DNAH8: variants seen among roughly 807,000 people sequenced by gnomAD.
DNAH8 encodes the protein dynein axonemal heavy chain 8.
In DNAH8, 382 loss-of-function variants were observed where a neutral mutation model predicts 562.1. The ratio of observed to expected loss-of-function variants is 0.68; its 90% CI spans 0.63 to 0.74. DNAH8 has a LOEUF of 0.74. DNAH8 is among the 30% of genes least tolerant of loss of function. The pLI is 0.00. For synonymous variants in DNAH8, 1,881 were observed against 1,919.4 expected (o/e 0.98, Z 0.52); for missense variants, 5,203 against 5,620.4 (o/e 0.93, Z 2.37).
intron 36 of DNAH8, 131 bp from the exon 37 acceptor site, chr6:38,848,517 A>G (rs1303787727): frequency 5.9e-6 from 4 of 676,814 alleles, no homozygotes; most frequent in African/African-American, 3.6e-5. Context: ...TATGATATCT[A>G]TTAGGAACTG....
At chr6:38,849,213 T>TA (rs1331644235) in intron 37 of DNAH8, among the ~76,000 whole-genome samples, 1 of 152,186 alleles carries the variant, frequency 6.6e-6, no homozygotes, top group African/African-American at 2.4e-5. Flanking sequence ...TGCAGTACTA[T>TA]TATAGTAGTT....
intron 16 of DNAH8, among the ~76,000 whole-genome samples, chr6:38,781,750 A>C (rs1284022803): frequency 6.6e-6 from 1 of 152,196 alleles, no homozygotes; most frequent in Non-Finnish European, 1.5e-5. Context: ...TACTCAGTGA[A>C]GGTGAAGATA....
At chr6:38,787,005 A>G in intron 18 of DNAH8, 53 bp downstream of exon 18, 1 of 1,182,424 alleles carries the variant, frequency 8.5e-7, no homozygotes, top group Non-Finnish European at 1.2e-6. Flanking sequence ...TTGGTAAAAA[A>G]AATATGTATA....
intron 1 of DNAH8, among the ~76,000 whole-genome samples, chr6:38,719,676 A>G (rs577705710): frequency 1.3e-4 from 20 of 152,314 alleles, no homozygotes; most frequent in Admixed American, 1.2e-3. Flanking sequence ...GAGGGGGTGT[A>G]GCTAATGCAG....
intron 45 of DNAH8, among the ~76,000 whole-genome samples, 160 bp from the exon 46 acceptor site, chr6:38,866,430 TA>T (rs1297642164): frequency 6.6e-6 from 1 of 152,214 alleles, no homozygotes; most frequent in Non-Finnish European, 1.5e-5. Flanking sequence ...AATATTAATA[TA>T]CATGGTCTAA....
chr6:39,024,366 A>G (rs1275580218), intron 91 of DNAH8, among the ~76,000 whole-genome samples: 1 of 152,248 alleles, frequency 6.6e-6, no homozygotes, highest in Admixed American at 6.5e-5. Flanking sequence ...CTACTAGGAT[A>G]TACAGTGTCT....
intron 88 of DNAH8, among the ~76,000 whole-genome samples, chr6:38,994,575 T>G (rs1765008719): frequency 6.6e-6 from 1 of 151,996 alleles, no homozygotes; most frequent in Non-Finnish European, 1.5e-5. Flanking sequence ...AATTTACCTA[T>G]TAGGTATAAG....
chr6:38,870,684 A>G lies in DNAH8; in HGVS notation c.6990+122A>G, dbSNP rs2150428986. On this transcript the variant is annotated intron_variant, in intron 49 of 92. Coordinates refer to ENST00000327475, the MANE Select transcript of DNAH8 (RefSeq NM_001206927.2). ...AATGTTAAATGAAAACATCATATAT[A>G]CATCATTGCAAAAAGAATACTTGGA... The G allele has an allele frequency of 1.4e-5, 13 of 952,660 alleles. No homozygotes were observed. In the South Asian group the frequency reaches 2.1e-4, roughly 15 times the overall value. The allele number at this position is 952,660 out of a possible 1,614,324, so 59.0% of individuals were successfully genotyped here. A position where few individuals can be genotyped will look rare whatever the true frequency, so the allele number is the denominator to read the frequency against.
At chr6:38,983,373 C>G (rs1052774681) in intron 86 of DNAH8, among the ~76,000 whole-genome samples, 1 of 152,118 alleles carries the variant, frequency 6.6e-6, no homozygotes, top group African/African-American at 2.4e-5. Flanking sequence ...TGAGTGTTTA[C>G]TCTAGTACCA....
At chr6:39,029,263 C>G (rs999677801) in intron 92 of DNAH8, among the ~76,000 whole-genome samples, 4 of 152,192 alleles carry the variant, frequency 2.6e-5, no homozygotes, top group South Asian at 4.2e-4. Context: ...GCCTGTGATG[C>G]CTACGCTCTC....
chr6:38,806,737 C>T (rs1274086823), intron 23 of DNAH8, among the ~76,000 whole-genome samples: 10 of 151,854 alleles, frequency 6.6e-5, no homozygotes, highest in Admixed American at 1.3e-4. Context: ...GCCGAGATCG[C>T]GCCACTGCAC....
chr6:38,756,302 A>C (rs1489392690), intron 10 of DNAH8, among the ~76,000 whole-genome samples: 1 of 152,088 alleles, frequency 6.6e-6, no homozygotes, highest in African/African-American at 2.4e-5. Flanking sequence ...ATACTTAAAG[A>C]AAATGTGCCT....
chr6:38,881,547 ATGTT>A (rs1320919117), intron 53 of DNAH8, among the ~76,000 whole-genome samples: 8 of 121,286 alleles, frequency 6.6e-5, no homozygotes. Context: ...TTTGAAATCA[ATGTT>A]TTTTTTTTTT....
At chr6:38,972,995 T>C (rs1763443236) in intron 83 of DNAH8, among the ~76,000 whole-genome samples, 1 of 152,218 alleles carries the variant, frequency 6.6e-6, no homozygotes, top group Admixed American at 6.6e-5. Context: ...TTTTATGTAG[T>C]TCAAGATAGC....
chr6:39,005,450 C>T (rs1166583130), intron 88 of DNAH8, among the ~76,000 whole-genome samples: 2 of 152,088 alleles, frequency 1.3e-5, no homozygotes, highest in Non-Finnish European at 2.9e-5. Context: ...TTTTACAATC[C>T]CCTCTAGCAA....
At chr6:38,869,258 T>C (rs1459067678) in intron 48 of DNAH8, among the ~76,000 whole-genome samples, 4 of 152,198 alleles carry the variant, frequency 2.6e-5, no homozygotes, top group African/African-American at 9.6e-5. Context: ...GACTAGAGGT[T>C]GCAGGATTCC....
At chr6:38,756,175 G>A in intron 10 of DNAH8, 96 bp downstream of exon 10, 1 of 768,026 alleles carries the variant, frequency 1.3e-6, no homozygotes, top group Non-Finnish European at 2.3e-6. Context: ...AAGCCTAAGT[G>A]CCTCTCAGAG....
Position 38,906,274 on chromosome 6 carries a change from T to C in DNAH8, c.9215T>C (p.Leu3072Pro). 3 of 1,598,920 alleles carry C rather than the reference T, an allele frequency of 1.9e-6. No individual in the cohort carries two copies. Among genetic ancestry groups the C allele is most frequent in the Non-Finnish European group, 2.6e-6 (3 of 1,170,012 alleles). ...TLTRSYNVTN[L>P]TDDLKALYKV... Reference sequence around the variant, plus strand: ...CTTAGGTCTTACAATGTGACTAATCTAACAGATGATTTAAAAGCTTTGTAC... The same window carrying C: ...CTTAGGTCTTACAATGTGACTAATCCAACAGATGATTTAAAAGCTTTGTAC... The change falls in exon 63 of 93, where the codon CTA (leucine) becomes CCA (proline). Residue 3072 changes from leucine (L) to proline (P), a missense_variant. Physicochemically the swap from Leu to Pro is moderately conservative, Grantham distance 98 (BLOSUM62 -3). Transcript: ENST00000327475.
At position 38,892,995 on chromosome 6, in the gene DNAH8, GT is replaced by G. The variant is rs201899301; in HGVS notation, c.8584-1698del. Among the ~76,000 whole-genome samples, 963 of 151,938 alleles carry G rather than the reference GT, an allele frequency of 6.3e-3. 10 individuals are homozygous for G. Among genetic ancestry groups the G allele is most frequent in the Middle Eastern group, 0.037 (11 of 294 alleles). The stretch of plus-strand genomic sequence containing the variant: ...AGTCATTATCTGTCTCCTGGCCCTG[GT>G]TTTTTTTAAACCATGGCTTCTATCA... On this transcript the variant is annotated intron_variant, in intron 58 of 92. Coordinates refer to ENST00000327475, the MANE Select transcript of DNAH8 (RefSeq NM_001206927.2).
Sources: gnomAD v4.1 joint callset for allele counts (sites outside exome capture counted in the v4.1 genomes callset) on GRCh38, gnomAD v4.1.1 for gene constraint, MANE v1.5 for transcripts, NCBI Gene and HGNC (gene_info 2026-07-23, HGNC 2026-07-21) for gene names.